JAK2: variants seen among roughly 807,000 people sequenced by gnomAD.
The protein encoded by JAK2 is tyrosine-protein kinase JAK2.
Under a neutral mutation model 139.3 loss-of-function variants are expected in JAK2, and 86 were observed. The observed-to-expected ratio is 0.62, with a 90% confidence interval of 0.52 to 0.74. The LOEUF (loss-of-function observed/expected upper bound fraction) is 0.74. Among genes scored for constraint, JAK2 ranks in the 30% least tolerant of loss-of-function variants. The pLI is 0.00. For synonymous variants in JAK2, 490 were observed against 437.7 expected, an observed-to-expected ratio of 1.12 and a Z score of -1.49; for missense variants, 1,421 against 1,360.3, an observed-to-expected ratio of 1.04 and a Z score of -0.70.
intron 19 of JAK2, among the ~76,000 whole-genome samples, chr9:5,087,039 A>C (rs1820173920): frequency 6.6e-6 from 1 of 152,226 alleles, no homozygotes. Context: ...CTAAAAGAAA[A>C]AAATCAGATA....
chr9:5,041,041 A>T, intron 4 of JAK2: 1 of 679,500 alleles, frequency 1.5e-6, no homozygotes, highest in Non-Finnish European at 2.7e-6. Context: ...TTCTACAAGC[A>T]GCTCAGCGCC....
intron 5 of JAK2, among the ~76,000 whole-genome samples, chr9:5,047,951 A>G (rs1425550885): frequency 6.6e-6 from 1 of 152,114 alleles, no homozygotes; most frequent in African/African-American, 2.4e-5. Flanking sequence ...GGTACATACT[A>G]TAATATTTAA....
At chr9:4,984,464 T>C (rs1455557203), upstream of JAK2, 1 of 152,272 alleles carries the variant, frequency 6.6e-6, no homozygotes, top group Admixed American at 6.5e-5. Flanking sequence ...CTAGGCCTTG[T>C]TGCCAACCCG....
At chr9:5,098,677 G>A (rs1303564143) in intron 22 of JAK2, 3 of 151,852 alleles carry the variant, frequency 2.0e-5, no homozygotes, top group Admixed American at 2.0e-4. Flanking sequence ...TATAGACTAT[G>A]AAGAATTAAG....
intron 22 of JAK2, among the ~76,000 whole-genome samples, chr9:5,118,222 T>C (rs1290197804): frequency 4.6e-5 from 7 of 152,224 alleles, no homozygotes; most frequent in Admixed American, 3.9e-4. Context: ...AAAAAGATTA[T>C]ATGAATAGAC....
intron 22 of JAK2, among the ~76,000 whole-genome samples, chr9:5,115,411 A>G (rs1487491147): frequency 6.6e-6 from 1 of 152,228 alleles, no homozygotes; most frequent in Non-Finnish European, 1.5e-5. Context: ...TCAGGCAACA[A>G]CAGATGCTGA....
At position 5,089,729 on chromosome 9, in the gene JAK2, G is replaced by T; in HGVS notation, c.2627G>T (p.Gly876Val). 6.3e-7 allele frequency: 1 copy of T among 1,580,258 alleles called. No individual in the cohort carries two copies. Among genetic ancestry groups the T allele is most frequent in the Non-Finnish European group, 8.6e-7 (1 of 1,163,462 alleles). ...CRYDPLQDNT[G>V]EVVAVKKLQH... The stretch of plus-strand genomic sequence containing the variant: ...TATGACCCTCTACAGGACAACACTG[G>T]GGAGGTGGTCGCTGTAAAAAAGCTT... The change falls in exon 20 of 25, where the codon GGG (glycine) becomes GTG (valine). Residue 876 changes from glycine to valine, a missense_variant. Coordinates refer to ENST00000381652, the MANE Select transcript of JAK2 (RefSeq NM_004972.4).
intron 22 of JAK2, chr9:5,112,655 C>T: frequency 1.0e-6 from 1 of 982,862 alleles, no homozygotes; most frequent in South Asian, 2.5e-5. Flanking sequence ...GACCAAACTC[C>T]TTATCCTGCA....
At chr9:5,050,902 G>A in intron 6 of JAK2, 71 bp downstream of exon 6, 1 of 1,339,494 alleles carries the variant, frequency 7.5e-7, no homozygotes, top group East Asian at 2.3e-5. Context: ...TATATTTTCT[G>A]TGTTTACCCA....
rs1002022133 is a variant in JAK2 at position 5,084,994 on chromosome 9, G to A, written c.2571+3133G>A. ...GCTGCCAGAAAGAACAGAAAGAGTTGTCATTTATGTCTTGTGAGTACAATT... is the reference window on the plus strand; with the variant it reads ...GCTGCCAGAAAGAACAGAAAGAGTTATCATTTATGTCTTGTGAGTACAATT... On this transcript the variant is annotated intron_variant, in intron 19 of 24. Transcript: ENST00000381652. The A allele has an allele frequency of 2.8e-5, 24 of 843,112 alleles. No homozygotes were observed. The African/African-American group carries it at 3.4e-4, about 12-fold the overall frequency. The allele number at this position is 843,112 out of a possible 1,614,324, so 52.2% of individuals were successfully genotyped here.
chr9:5,112,473 G>T, intron 22 of JAK2: 1 of 549,718 alleles, frequency 1.8e-6, no homozygotes. Context: ...CCCGGGACCG[G>T]ACCAGCCCAG....
chr9:5,009,154 A>G (rs924105087), intron 2 of JAK2, among the ~76,000 whole-genome samples: 2 of 152,234 alleles, frequency 1.3e-5, no homozygotes, highest in African/African-American at 4.8e-5. Context: ...CAAATCTTAA[A>G]ATAACTGGAA....
At chr9:5,085,734 G>A in intron 19 of JAK2, 1 of 752,304 alleles carries the variant, frequency 1.3e-6, no homozygotes, top group South Asian at 1.4e-5. Context: ...TGCAATTAAG[G>A]CTGTGGCGCG....
chr9:5,036,971 A>C (rs540732877), intron 4 of JAK2, among the ~76,000 whole-genome samples: 13 of 152,372 alleles, frequency 8.5e-5, no homozygotes, highest in African/African-American at 3.1e-4. Flanking sequence ...CATCTGATAA[A>C]GGGCTAATAT....
chr9:5,075,959 T>A (rs1202106981), intron 14 of JAK2, among the ~76,000 whole-genome samples: 1 of 152,132 alleles, frequency 6.6e-6, no homozygotes. Context: ...TGGAAAAAGT[T>A]CATTCTAACC....
intron 22 of JAK2, among the ~76,000 whole-genome samples, chr9:5,092,713 C>T (rs987599424): frequency 2.6e-5 from 4 of 152,092 alleles, no homozygotes; most frequent in African/African-American, 9.7e-5. Flanking sequence ...ATGAGCTATG[C>T]AAGAATGGCT....
At chr9:5,103,366 G>A (rs1290303970) in intron 22 of JAK2, among the ~76,000 whole-genome samples, 2 of 148,392 alleles carry the variant, frequency 1.3e-5, no homozygotes, top group Admixed American at 6.6e-5. Context: ...GGCAAGAAGA[G>A]CTAACTATAC....
chr9:5,036,215 T>G (rs903828060), intron 4 of JAK2, among the ~76,000 whole-genome samples: 41 of 152,062 alleles, frequency 2.7e-4, no homozygotes, highest in African/African-American at 9.9e-4. Flanking sequence ...CACTGCTCAA[T>G]GAAGTAAAAG....
intron 2 of JAK2, among the ~76,000 whole-genome samples, chr9:5,018,813 T>C (rs942320216): frequency 4.6e-5 from 7 of 152,376 alleles, no homozygotes; most frequent in Admixed American, 4.6e-4. Context: ...TTTTTTTCTT[T>C]CAGCACTTTT....
Sources: gnomAD v4.1 joint callset for allele counts (sites outside exome capture counted in the v4.1 genomes callset) on GRCh38, gnomAD v4.1.1 for gene constraint, MANE v1.5 for transcripts, NCBI Gene and HGNC (gene_info 2026-07-23, HGNC 2026-07-21) for gene names.